The following SPIN2B variants were observed in gnomAD, a reference collection of about 807,000 sequenced individuals.
The protein encoded by SPIN2B is spindlin family member 2B, also known as spindlin-2B.
In SPIN2B, 1 loss-of-function variant was observed where a neutral mutation model predicts 9.3. The observed-to-expected ratio is 0.11, with a 90% confidence interval of 0.04 to 0.51. The LOEUF (loss-of-function observed/expected upper bound fraction) is 0.51. Ranked by LOEUF, SPIN2B falls within the 20% of genes least tolerant of loss-of-function variation. The probability of loss-of-function intolerance (pLI) is 0.94; values close to 1 mark genes in which losing one functional copy is unlikely to be tolerated. For synonymous variants in SPIN2B, 15 were observed against 63.4 expected (o/e 0.24, Z 3.63); for missense variants, 32 against 174.0 (o/e 0.18, Z 4.59).
Position 57,120,033 on chromosome X carries a change from C to G in SPIN2B, c.597G>C (p.Glu199Asp). 1.7e-6 allele frequency: 2 copies of G among 1,208,574 alleles called. No homozygotes were observed. The highest frequency in any genetic ancestry group is 2.2e-6 in the Non-Finnish European group (2 of 894,522). ...CATCTACAACTCCTCCTGGCTCCCT[C>G]TCTGTTGGAGGAGACTCACTGGATT... The part of the protein sequence containing the change: ...MPESSESPPT[E>D]REPGGVVDGL... Residue 199 changes from glutamate to aspartate, a missense_variant, in exon 2 of 2, where the codon GAG (glutamate) becomes GAC (aspartate). Coordinates refer to ENST00000434397, the MANE Select transcript of SPIN2B (RefSeq NM_001006681.2).
Position 57,121,285 on chromosome X carries a change from T to G in SPIN2B, c.-50A>C. ...GGATCGCGGGCCTCACGTGCCCAAA[T>G]CGGACACCTCGCTGCTGCCTCCGCT... On this transcript the variant is annotated 5_prime_UTR_variant, in exon 1 of 2. Coordinates refer to ENST00000434397, the MANE Select transcript of SPIN2B (RefSeq NM_001006681.2). 1.3e-6 allele frequency: 1 copy of G among 759,762 alleles called. No individual in the cohort carries two copies. Among genetic ancestry groups the G allele is most frequent in the Non-Finnish European group, 1.6e-6 (1 of 642,151 alleles). 62.6% of individuals were successfully genotyped at this position (759,762 alleles called of 1,213,427 possible).
At position 57,120,936 on chromosome X, in the gene SPIN2B, C is replaced by T. The variant is rs768330333; in HGVS notation, c.-3+302G>A. 19 of 568,702 alleles carry T rather than the reference C, an allele frequency of 3.3e-5. No individual in the cohort carries two copies. The South Asian group carries it at 1.6e-3, about 49-fold the overall frequency. The allele number at this position is 568,702 out of a possible 1,213,427, so 46.9% of individuals were successfully genotyped here. On this transcript the variant is annotated intron_variant, in intron 1 of 1. Coordinates refer to ENST00000434397, the MANE Select transcript of SPIN2B (RefSeq NM_001006681.2). The stretch of plus-strand genomic sequence containing the variant: ...TCCCGGAACCCCTTGCTACCACTGG[C>T]GTCCACTTCCAATCCCCTTGCAAAG...
At chrX:57,120,951 C>T in intron 1 of SPIN2B, 2 of 631,740 alleles carry the variant, frequency 3.2e-6, no homozygotes, top group Non-Finnish European at 3.8e-6. Flanking sequence ...ACTTCCAATC[C>T]CCTTGCAAAG....
chrX:57,121,025 C>CA (rs1172791393), intron 1 of SPIN2B: 1 of 750,549 alleles, frequency 1.3e-6, no homozygotes, highest in Non-Finnish European at 1.6e-6. Flanking sequence ...CACAACACCC[C>CA]CTGCCTACCC....
At chrX:57,121,139 C>T in intron 1 of SPIN2B, 99 bp downstream of exon 1, 7 of 779,847 alleles carry the variant, frequency 9.0e-6, no homozygotes, top group Non-Finnish European at 1.1e-5. Context: ...CACCGCACTC[C>T]CCCACCCCAC....
chrX:57,121,039 C>T (rs1414703145), intron 1 of SPIN2B, 199 bp downstream of exon 1: 1 of 751,997 alleles, frequency 1.3e-6, no homozygotes. Flanking sequence ...CCTACCCTAA[C>T]CACTTCTCTG....
Position 57,121,352 on chromosome X carries a change from G to A in SPIN2B, c.-117C>T. ...GGAGGGTCAGCAGGCGACCGGCCGA[G>A]TGAATGCTTGCAAGAGCGGGGAGGG... On this transcript the variant is annotated 5_prime_UTR_variant, in exon 1 of 2. Coordinates refer to ENST00000434397, the MANE Select transcript of SPIN2B (RefSeq NM_001006681.2). The A allele has an allele frequency of 1.4e-6, 1 of 717,028 alleles. No individual in the cohort carries two copies. The highest frequency in any genetic ancestry group is 2.3e-5 in the African/African-American group (1 of 43,220). The allele number at this position is 717,028 out of a possible 1,213,427, so 59.1% of individuals were successfully genotyped here.
In SPIN2B at chrX:57,119,696, G is replaced by A. The variant is rs1736862; in HGVS notation, c.*157C>T. 9.4e-7 allele frequency: 1 copy of A among 1,063,759 alleles called. No individual in the cohort carries two copies. The highest frequency in any genetic ancestry group is 1.2e-6 in the Non-Finnish European group (1 of 808,080). The allele number at this position is 1,063,759 out of a possible 1,213,427, so 87.7% of individuals were successfully genotyped here. On this transcript the variant is annotated 3_prime_UTR_variant, in exon 2 of 2. Transcript: ENST00000434397. ...CACACAGCATGTCATGTACACACAAGTTTGTATTTTTTAGAGCAAAACAAC... is the reference window on the plus strand; with the variant it reads ...CACACAGCATGTCATGTACACACAAATTTGTATTTTTTAGAGCAAAACAAC...
Position 57,119,982 on chromosome X carries a change from A to G in SPIN2B, c.648T>C (p.Tyr216=), listed in dbSNP as rs1343883816. The change falls in exon 2 of 2, where the codon TAT becomes TAC. Residue 216 remains tyrosine, a synonymous_variant. Coordinates refer to ENST00000434397, the MANE Select transcript of SPIN2B (RefSeq NM_001006681.2). ...VDGLIGKHVE[Y]TKEDGSKRIG... ...TCCTTTTGGAGCCATCTTCTTTGGTATATTCCACATGCTTACCTATTAGGC... is the reference window on the plus strand; with the variant it reads ...TCCTTTTGGAGCCATCTTCTTTGGTGTATTCCACATGCTTACCTATTAGGC... 8.3e-7 allele frequency: 1 copy of G among 1,208,069 alleles called. No individual in the cohort carries two copies. Among genetic ancestry groups the G allele is most frequent in the Non-Finnish European group, 1.1e-6 (1 of 894,783 alleles).
Position 57,120,443 on chromosome X carries a change from C to T in SPIN2B, c.187G>A (p.Glu63Lys). The T allele has an allele frequency of 1.2e-6, 1 of 812,649 alleles. No homozygotes were observed. The highest frequency in any genetic ancestry group is 1.7e-6 in the Non-Finnish European group (1 of 582,073). 67.0% of individuals were successfully genotyped at this position (812,649 alleles called of 1,213,427 possible). The change falls in exon 2 of 2, where the codon GAG becomes AAG. Residue 63 changes from glutamate to lysine, a missense_variant. Transcript: ENST00000434397. ...RISHGWKEGD[E>K]PITQWKGTVL... ...GTTCCTTTCCACTGCGTGATGGGCT[C>T]ATCTCCTTCCTTCCATCCATGAGAA... is the stretch of plus-strand genomic sequence containing the variant.
chrX:57,120,663 C>T lies in SPIN2B; in HGVS notation c.-2-32G>A, dbSNP rs778368332. 2.2e-3 allele frequency: 786 copies of T among 363,766 alleles called. 4 individuals are homozygous for T. The highest frequency in any genetic ancestry group is 0.016 in the East Asian group (364 of 23,005). 30.0% of individuals were successfully genotyped at this position (363,766 alleles called of 1,213,427 possible). ...GGGGAGGAGAGAGGATAGAGAGACA[C>T]ACCCAGTGTGCCACAAGGCAAACTT... On this transcript the variant is annotated intron_variant, in intron 1 of 1. Transcript: ENST00000434397.
Position 57,120,262 on chromosome X carries a change from T to C in SPIN2B, c.368A>G (p.Asn123Ser), listed in dbSNP as rs1927007708. 1 of 1,208,263 alleles carries C rather than the reference T, an allele frequency of 8.3e-7. No homozygotes were observed. Among genetic ancestry groups the C allele is most frequent in the Non-Finnish European group, 1.1e-6 (1 of 894,575 alleles). Residue 123 changes from asparagine (N) to serine (S), a missense_variant, in exon 2 of 2, where the codon AAC (asparagine) becomes AGC (serine). By Grantham distance (46) the Asn-to-Ser change is conservative (BLOSUM62 1). Coordinates refer to ENST00000434397, the MANE Select transcript of SPIN2B (RefSeq NM_001006681.2). ...TTTGCCAATTATGGTATTTGCAAGG[T>C]TGGCATCACTAATGTGAGATGATGC... is the stretch of plus-strand genomic sequence containing the variant. ...RVASSHISDA[N>S]LANTIIGKAV... is the part of the protein sequence containing the mutation.
In SPIN2B at chrX:57,121,436, C is replaced by T. The variant is rs1927186840; in HGVS notation, c.-201G>A. The T allele has an allele frequency of 7.6e-6, 3 of 393,205 alleles. No individual in the cohort carries two copies. Among genetic ancestry groups the T allele is most frequent in the Non-Finnish European group, 6.5e-6 (2 of 309,001 alleles). The allele number at this position is 393,205 out of a possible 1,213,427, so 32.4% of individuals were successfully genotyped here. A position where few individuals can be genotyped will look rare whatever the true frequency, so the allele number is the denominator to read the frequency against. ...GCGGCGAGACAGGCAAAGAGGAAGG[C>T]AGCGGCGTCCCCACCGCTTGGCTCG... On this transcript the variant is annotated 5_prime_UTR_variant, in exon 1 of 2. Transcript: ENST00000434397.
At chrX:57,121,193 C>A in intron 1 of SPIN2B, 45 bp downstream of exon 1, 1 of 763,371 alleles carries the variant, frequency 1.3e-6, no homozygotes, top group Non-Finnish European at 1.6e-6. Flanking sequence ...CTGCTGGATT[C>A]CTTCCCATCC....
At position 57,121,464 on chromosome X, in the gene SPIN2B, A is replaced by G. The variant is rs1240106753; in HGVS notation, c.-229T>C. 5.7e-5 allele frequency: 14 copies of G among 245,951 alleles called. No homozygotes were observed. Among genetic ancestry groups the G allele is most frequent in the Non-Finnish European group, 8.0e-5 (14 of 175,598 alleles). 20.3% of individuals were successfully genotyped at this position (245,951 alleles called of 1,213,427 possible). ...CGGCGTCCCCACCGCTTGGCTCGCT[A>G]GCCCTCCGCCTCCCTGCTGGCGGTG... is the stretch of plus-strand genomic sequence containing the variant. On this transcript the variant is annotated 5_prime_UTR_variant, in exon 1 of 2. Transcript: ENST00000434397.
rs756956474 is a variant in SPIN2B at position 57,120,660 on chromosome X, A to G, written c.-2-29T>C. The G allele has an allele frequency of 2.2e-3, 792 of 364,296 alleles. 4 individuals are homozygous for G. The highest frequency in any genetic ancestry group is 0.016 in the East Asian group (372 of 23,228). The allele number at this position is 364,296 out of a possible 1,213,427, so 30.0% of individuals were successfully genotyped here. A position where few individuals can be genotyped will look rare whatever the true frequency, so the allele number is the denominator to read the frequency against. ...CTGGGGGAGGAGAGAGGATAGAGAG[A>G]CACACCCAGTGTGCCACAAGGCAAA... is the stretch of plus-strand genomic sequence containing the variant. On this transcript the variant is annotated intron_variant, in intron 1 of 1. Transcript: ENST00000434397.
chrX:57,121,151 C>A (rs1246536094), intron 1 of SPIN2B, 87 bp downstream of exon 1: 2 of 774,058 alleles, frequency 2.6e-6, no homozygotes, highest in Admixed American at 1.4e-4. Context: ...CCACCCCACC[C>A]TTGCCTGGCG....
At position 57,119,686 on chromosome X, in the gene SPIN2B, G is replaced by C; in HGVS notation, c.*167C>G. 9.6e-7 allele frequency: 1 copy of C among 1,038,180 alleles called. No homozygotes were observed. Among genetic ancestry groups the C allele is most frequent in the Non-Finnish European group, 1.3e-6 (1 of 786,023 alleles). 85.6% of individuals were successfully genotyped at this position (1,038,180 alleles called of 1,213,427 possible). ...AAAGGGCTTACACACAGCATGTCAT[G>C]TACACACAAGTTTGTATTTTTTAGA... On this transcript the variant is annotated 3_prime_UTR_variant, in exon 2 of 2. Transcript: ENST00000434397.
In SPIN2B at chrX:57,120,183, C is replaced by A. The variant is rs1317252690; in HGVS notation, c.447G>T (p.Gly149=). 8.3e-7 allele frequency: 1 copy of A among 1,210,277 alleles called. No individual in the cohort carries two copies. Among genetic ancestry groups the A allele is most frequent in the Non-Finnish European group, 1.1e-6 (1 of 895,066 alleles). Residue 149 remains glycine, a synonymous_variant, in exon 2 of 2, where the codon GGG becomes GGT. Coordinates refer to ENST00000434397, the MANE Select transcript of SPIN2B (RefSeq NM_001006681.2). ...GEHGSKDEWR[G]MVLAQAPIMK... ...TGATAGGTGCTTGAGCTAAGACCAT[C>A]CCCCTCCATTCATCCTTAGAACCAT...
Sources: gnomAD v4.1 joint callset for allele counts on GRCh38, gnomAD v4.1.1 for gene constraint, MANE v1.5 for transcripts, NCBI Gene and HGNC (gene_info 2026-07-23, HGNC 2026-07-21) for gene names.